The following WDR64 variants were observed in gnomAD, a reference collection of about 807,000 sequenced individuals.
WDR64 encodes the protein WD repeat-containing protein 64.
In WDR64, 112 loss-of-function variants were observed where a neutral mutation model predicts 139.3. The observed-to-expected ratio is 0.80, with a 90% CI of 0.69 to 0.94. The LOEUF (loss-of-function observed/expected upper bound fraction) is 0.94, where lower values mean the gene tolerates loss of function less well. WDR64 is among the 40% of genes least tolerant of loss of function. The probability of loss-of-function intolerance (pLI) is 0.00; values close to 1 mark genes in which losing one functional copy is unlikely to be tolerated. For synonymous variants in WDR64, 444 were observed against 437.7 expected (o/e 1.01, Z -0.18); for missense variants, 1,206 against 1,293.1 (o/e 0.93, Z 1.03).
intron 4 of WDR64, among the ~76,000 whole-genome samples, chr1:241,676,745 GTTTT>G (rs11342790): frequency 8.0e-6 from 1 of 124,338 alleles, no homozygotes; most frequent in Admixed American, 8.1e-5. Context: ...AAAATTAATG[GTTTT>G]TTTTTTTTTT....
intron 2 of WDR64, among the ~76,000 whole-genome samples, chr1:241,662,300 T>C (rs1665862196): frequency 6.6e-6 from 1 of 152,160 alleles, no homozygotes; most frequent in Non-Finnish European, 1.5e-5. Flanking sequence ...AATCAAGGTG[T>C]TGGCAAAGCT....
At chr1:241,735,837 C>CAA (rs1669292042) in intron 10 of WDR64, among the ~76,000 whole-genome samples, 1 of 133,800 alleles carries the variant, frequency 7.5e-6, no homozygotes, top group Non-Finnish European at 1.6e-5. Flanking sequence ...CTCTCTCTCT[C>CAA]TCTCTCTCTC....
Position 241,683,839 on chromosome 1 carries a change from A to G in WDR64, c.839+138A>G, listed in dbSNP as rs1004264192. 6.7e-5 allele frequency: 44 copies of G among 656,522 alleles called. 1 individual carries two copies. Among genetic ancestry groups the G allele is most frequent in the Non-Finnish European group, 2.5e-5 (10 of 404,176 alleles). The allele number at this position is 656,522 out of a possible 1,614,324, so 40.7% of individuals were successfully genotyped here. A position where few individuals can be genotyped will look rare whatever the true frequency, so the allele number is the denominator to read the frequency against. On this transcript the variant is annotated intron_variant, in intron 7 of 27. Transcript: ENST00000437684. The stretch of plus-strand genomic sequence containing the variant: ...AGACAAAATTAAAGTAATATAAACA[A>G]TTAATTATAGTCATTGTTCATGTAT...
chr1:241,744,287 T>A, intron 12 of WDR64, 106 bp from the exon 13 acceptor site: 1 of 1,352,640 alleles, frequency 7.4e-7, no homozygotes, highest in Non-Finnish European at 1.0e-6. Context: ...ATGTGTTAGA[T>A]GTACAGAGTT....
intron 13 of WDR64, 40 bp from the exon 14 acceptor site, chr1:241,749,507 G>A (rs1669897434): frequency 1.3e-6 from 2 of 1,583,680 alleles, no homozygotes; most frequent in Middle Eastern, 1.7e-4. Context: ...CTTTCTCTAA[G>A]TCATTTTTAC....
At chr1:241,669,219 G>A (rs1666131901) in intron 2 of WDR64, among the ~76,000 whole-genome samples, 1 of 152,174 alleles carries the variant, frequency 6.6e-6, no homozygotes, top group Admixed American at 6.5e-5. Flanking sequence ...TCCAAGTAAT[G>A]ACTATCAATT....
Position 241,766,217 on chromosome 1 carries a change from G to A in WDR64, c.1948-1G>A. 6.2e-7 allele frequency: 1 copy of A among 1,613,382 alleles called. No individual in the cohort carries two copies. The highest frequency in any genetic ancestry group is 8.5e-7 in the Non-Finnish European group (1 of 1,179,598). The stretch of plus-strand genomic sequence containing the variant: ...GGTGTTCTGTTTCCTTCGTTCTTCA[G>A]AATCCCACCATGGATTTATTACGAG... On this transcript the variant is annotated splice_acceptor_variant, in intron 15 of 27. Coordinates refer to ENST00000437684, the MANE Select transcript of WDR64 (RefSeq NM_001367482.1). LOFTEE classifies it high-confidence loss of function.
At chr1:241,705,068 C>T (rs72768077) in intron 8 of WDR64, among the ~76,000 whole-genome samples, 26,459 of 152,014 alleles carry the variant, frequency 0.17, 2,481 homozygotes, top group Middle Eastern at 0.33. Flanking sequence ...CAAGTGCTGA[C>T]AGGTCCAGGA....
chr1:241,785,179 T>G (rs906240610), intron 23 of WDR64, among the ~76,000 whole-genome samples: 2 of 152,112 alleles, frequency 1.3e-5, no homozygotes, highest in African/African-American at 4.8e-5. Context: ...CCACTGTTGT[T>G]GTAAGGTATT....
intron 8 of WDR64, among the ~76,000 whole-genome samples, chr1:241,706,026 A>G (rs989645976): frequency 6.6e-6 from 1 of 151,798 alleles, no homozygotes; most frequent in Non-Finnish European, 1.5e-5. Context: ...TTATGTCTTC[A>G]ACATTTTTCT....
At chr1:241,788,408 A>G (rs1383160600) in intron 24 of WDR64, among the ~76,000 whole-genome samples, 2 of 152,202 alleles carry the variant, frequency 1.3e-5, no homozygotes, top group Admixed American at 6.5e-5. Context: ...ATCCTTTGTC[A>G]TAATGGAAAA....
intron 16 of WDR64, among the ~76,000 whole-genome samples, chr1:241,767,506 C>G (rs1199804330): frequency 6.6e-6 from 1 of 151,962 alleles, no homozygotes; most frequent in Non-Finnish European, 1.5e-5. Flanking sequence ...CTTACAGATA[C>G]AAGATGGCCA....
At chr1:241,762,546 CACTA>C (rs1339638188) in intron 15 of WDR64, among the ~76,000 whole-genome samples, 1 of 152,030 alleles carries the variant, frequency 6.6e-6, no homozygotes, top group Non-Finnish European at 1.5e-5. Context: ...CGAGGATCTT[CACTA>C]ACTTTTTTGA....
At chr1:241,684,490 AT>A (rs1666933391) in intron 7 of WDR64, among the ~76,000 whole-genome samples, 1 of 152,240 alleles carries the variant, frequency 6.6e-6, no homozygotes, top group African/African-American at 2.4e-5. Flanking sequence ...TAAATTTTAT[AT>A]TAAATGGTCT....
chr1:241,713,423 G>T, intron 9 of WDR64, among the ~76,000 whole-genome samples: 1 of 142,458 alleles, frequency 7.0e-6, no homozygotes, highest in Non-Finnish European at 1.5e-5. Context: ...GGGAAGGAAG[G>T]GAAGGAAGGA....
rs41305965 is a variant in WDR64, at chr1:241,783,164, A to G, written c.2596-108A>G. ...ACTTAATCATCTAGCACAGATGTCT[A>G]CATCTTCCACTCATAAGCTTGGCTC... On this transcript the variant is annotated intron_variant, in intron 22 of 27. Coordinates refer to ENST00000437684, the MANE Select transcript of WDR64 (RefSeq NM_001367482.1). The G allele has an allele frequency of 3.7e-3, 3,386 of 919,870 alleles. 33 individuals are homozygous for G. The highest frequency in any genetic ancestry group is 0.023 in the South Asian group (1,585 of 68,400). 57.0% of individuals were successfully genotyped at this position (919,870 alleles called of 1,614,324 possible). A position where few individuals can be genotyped will look rare whatever the true frequency, so the allele number is the denominator to read the frequency against.
chr1:241,801,960 C>T lies in WDR64; in HGVS notation c.*745C>T, dbSNP rs933298749. 13 of 397,608 alleles carry T rather than the reference C, an allele frequency of 3.3e-5. No individual in the cohort carries two copies. Among genetic ancestry groups the T allele is most frequent in the Non-Finnish European group, 5.8e-5 (13 of 225,724 alleles). 24.6% of individuals were successfully genotyped at this position (397,608 alleles called of 1,614,324 possible). ...AACTATATGTTGTTTACAAGAAACA[C>T]ATCTAACATACAAGGACACCAAACT... On this transcript the variant is annotated 3_prime_UTR_variant, in exon 28 of 28. Transcript: ENST00000437684.
At chr1:241,697,302 T>C (rs1318649150) in intron 8 of WDR64, among the ~76,000 whole-genome samples, 1 of 152,218 alleles carries the variant, frequency 6.6e-6, no homozygotes, top group Non-Finnish European at 1.5e-5. Context: ...CAACACATCA[T>C]ACCTTTCAAA....
chr1:241,683,345 G>C, intron 6 of WDR64, 142 bp from the exon 7 acceptor site: 3 of 765,392 alleles, frequency 3.9e-6, no homozygotes, highest in Non-Finnish European at 6.1e-6. Flanking sequence ...TGGTTAACTG[G>C]TTTTTTTCTC....
Sources: allele counts gnomAD v4.1 joint callset (sites outside exome capture counted in the v4.1 genomes callset), GRCh38; gene constraint gnomAD v4.1.1; transcripts MANE v1.5; gene names NCBI Gene and HGNC (gene_info 2026-07-23, HGNC 2026-07-21).